HMBOX1: variants seen among roughly 807,000 people sequenced by gnomAD.
HMBOX1 encodes the protein homeobox containing 1.
In HMBOX1, 14 loss-of-function variants were observed where a neutral mutation model predicts 54.5. The observed-to-expected ratio is 0.26, with a 90% CI of 0.17 to 0.40. HMBOX1 has a LOEUF of 0.40. HMBOX1 is among the 10% of genes least tolerant of loss of function. HMBOX1 has a pLI of 1.00. For synonymous variants in HMBOX1, 160 were observed against 181.0 expected (o/e 0.88, Z 0.93); for missense variants, 332 against 514.4 (o/e 0.65, Z 3.43).
intron 1 of HMBOX1, among the ~76,000 whole-genome samples, chr8:28,951,349 T>G (rs1823381106): frequency 6.6e-6 from 1 of 152,158 alleles, no homozygotes; most frequent in Non-Finnish European, 1.5e-5. Flanking sequence ...GCCAGGATGA[T>G]CTCGATCTCT....
intron 1 of HMBOX1, among the ~76,000 whole-genome samples, chr8:28,899,036 A>C (rs540264477): frequency 1.4e-4 from 21 of 152,342 alleles, no homozygotes; most frequent in African/African-American, 5.1e-4. Flanking sequence ...GGTTGGATTT[A>C]ATCCTTTTCT....
In HMBOX1 at chr8:29,051,760, G is replaced by C. The variant is rs1273368411; in HGVS notation, c.*605G>C. 1 of 584,194 alleles carries C rather than the reference G, an allele frequency of 1.7e-6. No individual in the cohort carries two copies. The highest frequency in any genetic ancestry group is 1.8e-5 in the African/African-American group (1 of 54,672). 36.2% of individuals were successfully genotyped at this position (584,194 alleles called of 1,614,324 possible). ...GCTAAGAATGTCAATGGAAAAAGCC[G>C]ATCTCAGATTTTGTTTGAAGTTAAC... On this transcript the variant is annotated 3_prime_UTR_variant, in exon 10 of 10. Coordinates refer to ENST00000287701, the MANE Select transcript of HMBOX1 (RefSeq NM_001135726.3).
chr8:28,966,830 G>T (rs1826517349), intron 2 of HMBOX1, among the ~76,000 whole-genome samples: 1 of 152,114 alleles, frequency 6.6e-6, no homozygotes, highest in Non-Finnish European at 1.5e-5. Flanking sequence ...GGATCATTTT[G>T]CTTTAGGTTA....
chr8:28,891,250 G>T (rs146476780), intron 1 of HMBOX1: 38 of 152,422 alleles, frequency 2.5e-4, no homozygotes, highest in South Asian at 6.2e-4. Flanking sequence ...CCCGTCGCCC[G>T]CTCACACTCT....
At position 28,898,874 on chromosome 8, in the gene HMBOX1, G is replaced by T. The variant is rs141557240; in HGVS notation, c.-58+8196G>T. ...CTATCCTTATCCCGTGACCTTGGTG[G>T]GAGGTAGCGTGGAAAGCACCTTTTA... is the stretch of plus-strand genomic sequence containing the variant. On this transcript the variant is annotated intron_variant, in intron 1 of 9. Coordinates refer to ENST00000287701, the MANE Select transcript of HMBOX1 (RefSeq NM_001135726.3). Among the ~76,000 whole-genome samples, 4 of 152,310 alleles carry T rather than the reference G, an allele frequency of 2.6e-5. No individual in the cohort carries two copies. The East Asian group carries it at 7.7e-4, about 29-fold the overall frequency.
intron 6 of HMBOX1, among the ~76,000 whole-genome samples, chr8:29,023,465 T>C (rs1801514809): frequency 6.6e-6 from 1 of 152,198 alleles, no homozygotes; most frequent in Non-Finnish European, 1.5e-5. Context: ...TTCAGTGGCA[T>C]GATCATAGCT....
chr8:28,935,142 T>C (rs1820174036), intron 1 of HMBOX1, among the ~76,000 whole-genome samples: 2 of 152,200 alleles, frequency 1.3e-5, no homozygotes, highest in Admixed American at 1.3e-4. Context: ...TAAATTAAGA[T>C]ATATACTATG....
chr8:29,014,469 G>A (rs1834697607), intron 5 of HMBOX1, among the ~76,000 whole-genome samples: 1 of 152,096 alleles, frequency 6.6e-6, no homozygotes, highest in Admixed American at 6.5e-5. Flanking sequence ...ACCAAAGCAA[G>A]ATGAACTAAG....
chr8:28,984,252 C>G (rs1004255357), intron 4 of HMBOX1, among the ~76,000 whole-genome samples: 5 of 152,128 alleles, frequency 3.3e-5, no homozygotes, highest in Admixed American at 2.6e-4. Context: ...ATGTGGTTCT[C>G]CTGAATCTTA....
chr8:28,934,060 A>C (rs1417188696), intron 1 of HMBOX1, among the ~76,000 whole-genome samples: 1 of 152,230 alleles, frequency 6.6e-6, no homozygotes, highest in African/African-American at 2.4e-5. Context: ...GAAATCCTTA[A>C]TAAAATATTA....
intron 1 of HMBOX1, among the ~76,000 whole-genome samples, chr8:28,953,817 G>A (rs932919961): frequency 1.3e-5 from 2 of 152,040 alleles, no homozygotes; most frequent in African/African-American, 4.8e-5. Context: ...TTCATTAACT[G>A]TCTCCTCTTT....
intron 5 of HMBOX1, among the ~76,000 whole-genome samples, chr8:29,010,633 G>A (rs886637604): frequency 3.3e-5 from 5 of 151,754 alleles, no homozygotes; most frequent in Admixed American, 6.6e-5. Context: ...ATTTATATAT[G>A]TGTGTATTCA....
intron 1 of HMBOX1, among the ~76,000 whole-genome samples, chr8:28,923,045 A>G (rs932539780): frequency 2.6e-5 from 4 of 152,222 alleles, no homozygotes; most frequent in Admixed American, 1.3e-4. Context: ...TATTTTAACT[A>G]TTTTAATGAG....
chr8:28,970,700 T>C lies in HMBOX1; in HGVS notation c.500+181T>C. 1 of 503,056 alleles carries C rather than the reference T, an allele frequency of 2.0e-6. No homozygotes were observed. The highest frequency in any genetic ancestry group is 3.5e-6 in the Non-Finnish European group (1 of 288,114). The allele number at this position is 503,056 out of a possible 1,614,324, so 31.2% of individuals were successfully genotyped here. ...GAAAGAAAGTTCAAGCTTTATGTTT[T>C]TAATTTAAATTTTCTCTTCTTTACT... On this transcript the variant is annotated intron_variant, in intron 3 of 9. Transcript: ENST00000287701. This position sits in a 1 kb window ranked among gnomAD's most constrained non-coding sequence, Gnocchi z 4.3.
intron 1 of HMBOX1, among the ~76,000 whole-genome samples, chr8:28,912,629 T>G (rs1368287090): frequency 6.6e-6 from 1 of 152,210 alleles, no homozygotes; most frequent in African/African-American, 2.4e-5. Context: ...ATGAAACACT[T>G]GCTTCTGCGG....
intron 1 of HMBOX1, among the ~76,000 whole-genome samples, chr8:28,904,849 G>A (rs1036204062): frequency 1.3e-5 from 2 of 151,882 alleles, no homozygotes; most frequent in Non-Finnish European, 2.9e-5. Flanking sequence ...CTAATTTTTT[G>A]TATTTTTAGT....
intron 4 of HMBOX1, among the ~76,000 whole-genome samples, chr8:29,003,668 G>A (rs1292817701): frequency 6.7e-6 from 1 of 149,552 alleles, no homozygotes. Context: ...AATAAGGGGT[G>A]GGAGTGGAGG....
intron 3 of HMBOX1, among the ~76,000 whole-genome samples, chr8:28,971,673 T>C (rs530009762): frequency 1.3e-5 from 2 of 152,264 alleles, no homozygotes; most frequent in African/African-American, 4.8e-5. Context: ...AAATTACTGA[T>C]GGGTAAGACA....
intron 3 of HMBOX1, among the ~76,000 whole-genome samples, chr8:28,979,709 G>A (rs1296103158): frequency 2.0e-5 from 3 of 152,134 alleles, no homozygotes; most frequent in Admixed American, 6.5e-5. Flanking sequence ...ATTTTTCTAG[G>A]ATTTCTGTCT....
Sources: gnomAD v4.1 joint callset for allele counts (sites outside exome capture counted in the v4.1 genomes callset) on GRCh38, gnomAD v4.1.1 for gene constraint, Gnocchi (gnomAD v3.1) non-coding constraint, MANE v1.5 for transcripts, NCBI Gene and HGNC (gene_info 2026-07-23, HGNC 2026-07-21) for gene names.